NPAS3: variants seen among roughly 807,000 people sequenced by gnomAD.
NPAS3 encodes neuronal PAS domain-containing protein 3.
In NPAS3, 14 loss-of-function variants were observed where a neutral mutation model predicts 73.1. That is an observed-to-expected ratio of 0.19 (90% CI 0.13 to 0.30). The LOEUF (loss-of-function observed/expected upper bound fraction) is 0.30. Ranked by LOEUF, NPAS3 falls within the 10% of genes least tolerant of loss-of-function variation. The pLI is 1.00. For missense variants in NPAS3, 1,096 were observed against 1,250.0 expected (o/e 0.88, Z 1.86); for synonymous variants, 620 against 541.5 (o/e 1.14, Z -2.01).
intron 4 of NPAS3, among the ~76,000 whole-genome samples, chr14:33,487,376 A>G (rs1377932619): frequency 2.6e-5 from 4 of 152,198 alleles, no homozygotes; most frequent in Non-Finnish European, 5.9e-5. Context: ...AAACTCGCCC[A>G]TATATCACAT....
At chr14:32,936,475 G>C (rs548895091), upstream of NPAS3, among the ~76,000 whole-genome samples, 7 of 152,226 alleles carry the variant, frequency 4.6e-5, no homozygotes, top group African/African-American at 1.4e-4. Flanking sequence ...AAAAGAATTA[G>C]ATTTTTCCTT....
At chr14:33,177,814 T>C (rs1056020931) in intron 2 of NPAS3, among the ~76,000 whole-genome samples, 1 of 152,204 alleles carries the variant, frequency 6.6e-6, no homozygotes, top group Non-Finnish European at 1.5e-5. Flanking sequence ...TGACCATAGA[T>C]GTATGGGTTT....
chr14:32,994,453 T>C (rs962461294), intron 1 of NPAS3, among the ~76,000 whole-genome samples: 2 of 152,112 alleles, frequency 1.3e-5, no homozygotes, highest in South Asian at 4.1e-4. Context: ...AAATTTTAGA[T>C]TAGAGCCCCA....
At chr14:33,794,682 C>T (rs747359793) in intron 10 of NPAS3, among the ~76,000 whole-genome samples, 14 of 148,906 alleles carry the variant, frequency 9.4e-5, no homozygotes, top group South Asian at 2.1e-4. Context: ...GTGTCCTTAA[C>T]AGTCTATCTG....
intron 4 of NPAS3, among the ~76,000 whole-genome samples, chr14:33,491,362 T>C (rs1239634928): frequency 1.3e-5 from 2 of 152,104 alleles, no homozygotes; most frequent in Non-Finnish European, 2.9e-5. Flanking sequence ...GATCTCAGAA[T>C]AGGCCATTCT....
intron 5 of NPAS3, among the ~76,000 whole-genome samples, chr14:33,563,537 C>CACACACACACACACACACACAGAGAGAG: frequency 0.013 from 1,529 of 119,210 alleles, 29 homozygotes; most frequent in Admixed American, 0.04. Context: ...CACACACACA[C>CACACACACACACACACACACAGAGAGAG]AGAGAGAGAG....
chr14:33,584,070 C>T (rs1021363008), intron 5 of NPAS3, among the ~76,000 whole-genome samples: 2 of 152,154 alleles, frequency 1.3e-5, no homozygotes, highest in African/African-American at 4.8e-5. Context: ...GTACCTTTGT[C>T]ACCAATAGAA....
intron 4 of NPAS3, among the ~76,000 whole-genome samples, chr14:33,512,993 G>A (rs553679019): frequency 4.6e-5 from 7 of 151,982 alleles, no homozygotes; most frequent in African/African-American, 1.2e-4. Flanking sequence ...CAATTTTGAT[G>A]CTCTTTCTCC....
At chr14:33,091,304 G>A (rs2042216642) in intron 2 of NPAS3, among the ~76,000 whole-genome samples, 1 of 151,822 alleles carries the variant, frequency 6.6e-6, no homozygotes, top group African/African-American at 2.4e-5. Context: ...ATGATAAAGG[G>A]GATATCACCA....
intron 3 of NPAS3, among the ~76,000 whole-genome samples, chr14:33,260,277 C>T (rs2048926083): frequency 6.6e-6 from 1 of 151,996 alleles, no homozygotes; most frequent in African/African-American, 2.4e-5. Flanking sequence ...TTGGTATATA[C>T]TTAGATGAGT....
intron 7 of NPAS3, among the ~76,000 whole-genome samples, chr14:33,745,032 G>C (rs2061753086): frequency 6.6e-6 from 1 of 152,006 alleles, no homozygotes; most frequent in African/African-American, 2.4e-5. Context: ...CTTGAGCCCA[G>C]GCATTCAAGA....
At chr14:33,406,985 A>G (rs1407307307) in intron 4 of NPAS3, among the ~76,000 whole-genome samples, 7 of 152,152 alleles carry the variant, frequency 4.6e-5, no homozygotes, top group Non-Finnish European at 1.0e-4. Flanking sequence ...GTTCTTCTAT[A>G]TGGAACTATT....
chr14:33,477,449 C>T (rs1353942971), intron 4 of NPAS3, among the ~76,000 whole-genome samples: 2 of 152,114 alleles, frequency 1.3e-5, no homozygotes, highest in African/African-American at 4.8e-5. Flanking sequence ...ACAGAGATAA[C>T]GTGATCATGT....
At chr14:33,753,575 G>T (rs1019818579) in intron 7 of NPAS3, among the ~76,000 whole-genome samples, 1 of 152,160 alleles carries the variant, frequency 6.6e-6, no homozygotes, top group African/African-American at 2.4e-5. Context: ...CAATACACTT[G>T]TGGCTGTGGG....
chr14:33,454,717 C>T (rs8012273), intron 4 of NPAS3, among the ~76,000 whole-genome samples: 132,446 of 152,156 alleles, frequency 0.87, 57,825 homozygotes, highest in East Asian at 0.98. Flanking sequence ...GGAAATAAAC[C>T]GGGGAGTTGG....
chr14:33,215,582 G>T, intron 3 of NPAS3, 156 bp downstream of exon 3: 1 of 855,532 alleles, frequency 1.2e-6, no homozygotes, highest in Non-Finnish European at 2.0e-6. Context: ...AAGACACCAT[G>T]TGAAGGTGAA....
At chr14:33,203,335 TTTTG>T (rs746887577) in intron 2 of NPAS3, among the ~76,000 whole-genome samples, 1 of 152,306 alleles carries the variant, frequency 6.6e-6, no homozygotes. Flanking sequence ...ATTTATGTAT[TTTTG>T]TTTTTTATTA....
At chr14:33,198,158 G>A (rs1020221420) in intron 2 of NPAS3, among the ~76,000 whole-genome samples, 2 of 152,176 alleles carry the variant, frequency 1.3e-5, no homozygotes, top group Non-Finnish European at 2.9e-5. Context: ...CAGTGTTACA[G>A]CTCATAAAGT....
chr14:33,185,146 C>A (rs992776007), intron 2 of NPAS3, among the ~76,000 whole-genome samples: 6 of 152,112 alleles, frequency 3.9e-5, no homozygotes, highest in Non-Finnish European at 8.8e-5. Context: ...TTTCAGGATT[C>A]TTATCGTGAA....
Sources: allele counts gnomAD v4.1 joint callset (sites outside exome capture counted in the v4.1 genomes callset), GRCh38; gene constraint gnomAD v4.1.1; transcripts MANE v1.5; gene names NCBI Gene and HGNC (gene_info 2026-07-23, HGNC 2026-07-21).